Variants in SNTG1 observed in about 807,000 individuals in gnomAD.
SNTG1 encodes gamma-1-syntrophin.
Under a neutral mutation model 74.7 loss-of-function variants are expected in SNTG1, and 39 were observed. That is an observed-to-expected ratio of 0.52 (90% CI 0.40 to 0.68). The LOEUF (loss-of-function observed/expected upper bound fraction) is 0.68, where lower values mean the gene tolerates loss of function less well. Ranked by LOEUF, SNTG1 falls within the 30% of genes least tolerant of loss-of-function variation. SNTG1 has a pLI of 0.00. For synonymous variants in SNTG1, 254 were observed against 217.1 expected (o/e 1.17, Z -1.49); for missense variants, 685 against 609.5 (o/e 1.12, Z -1.30).
chr8:50,586,511 G>A (rs548061967), intron 12 of SNTG1, among the ~76,000 whole-genome samples: 2 of 152,020 alleles, frequency 1.3e-5, no homozygotes, highest in South Asian at 4.2e-4. Context: ...TGTAAAGGGG[G>A]CATCCTTATG....
intron 1 of SNTG1, among the ~76,000 whole-genome samples, chr8:50,140,131 C>T (rs2081607861): frequency 6.6e-6 from 1 of 152,160 alleles, no homozygotes; most frequent in African/African-American, 2.4e-5. Context: ...ATCAATCAAC[C>T]AATAAGCACT....
chr8:50,085,534 A>G (rs1822804747), intron 1 of SNTG1, among the ~76,000 whole-genome samples: 1 of 152,200 alleles, frequency 6.6e-6, no homozygotes, highest in Non-Finnish European at 1.5e-5. Context: ...TCCTCATAGT[A>G]TCATCAAGCC....
chr8:50,435,857 A>G (rs2093296255), intron 4 of SNTG1, among the ~76,000 whole-genome samples: 1 of 152,122 alleles, frequency 6.6e-6, no homozygotes, highest in Admixed American at 6.6e-5. Context: ...CTGCATCAGC[A>G]GTTTTGTATT....
intron 2 of SNTG1, among the ~76,000 whole-genome samples, chr8:50,248,672 C>T (rs4873439): frequency 0.26 from 39,892 of 151,792 alleles, 5,304 homozygotes; most frequent in Middle Eastern, 0.37. Context: ...GAGACCACCA[C>T]AAAAATAAGG....
In SNTG1 at chr8:50,792,656, C is replaced by A. The variant is rs1319422167; in HGVS notation, c.1396-15C>A. ...AATTTTTATGTTATCTGACCTGTTTCTCTTTCCCTTTCAGGAGTTGGAATT... is the reference window on the plus strand; with the variant it reads ...AATTTTTATGTTATCTGACCTGTTTATCTTTCCCTTTCAGGAGTTGGAATT... On this transcript the variant is annotated splice_polypyrimidine_tract_variant and intron_variant, in intron 18 of 18. Coordinates refer to ENST00000642720, the MANE Select transcript of SNTG1 (RefSeq NM_018967.5). The A allele has an allele frequency of 1.9e-6, 3 of 1,596,062 alleles. No individual in the cohort carries two copies. The highest frequency in any genetic ancestry group is 1.7e-6 in the Non-Finnish European group (2 of 1,171,322).
At chr8:50,569,730 A>AT (rs1422740913) in intron 12 of SNTG1, among the ~76,000 whole-genome samples, 1 of 152,108 alleles carries the variant, frequency 6.6e-6, no homozygotes, top group African/African-American at 2.4e-5. Flanking sequence ...TGAAGCTGAC[A>AT]TTTTCTTCCT....
intron 1 of SNTG1, among the ~76,000 whole-genome samples, chr8:50,063,896 C>T (rs1427138079): frequency 6.6e-6 from 1 of 152,162 alleles, no homozygotes; most frequent in Non-Finnish European, 1.5e-5. Flanking sequence ...ATATCTCAAG[C>T]TCTAATCTCC....
At chr8:50,738,437 T>C (rs897153516) in intron 17 of SNTG1, among the ~76,000 whole-genome samples, 1 of 152,158 alleles carries the variant, frequency 6.6e-6, no homozygotes, top group Non-Finnish European at 1.5e-5. Flanking sequence ...AAAACATCCA[T>C]GCTCATGAAT....
intron 15 of SNTG1, among the ~76,000 whole-genome samples, chr8:50,681,985 T>C (rs1378914449): frequency 6.6e-6 from 1 of 152,204 alleles, no homozygotes; most frequent in Non-Finnish European, 1.5e-5. Context: ...TGTTTTATCA[T>C]GACCCATATC....
At chr8:50,221,747 T>C (rs1374509610) in intron 2 of SNTG1, among the ~76,000 whole-genome samples, 2 of 152,166 alleles carry the variant, frequency 1.3e-5, no homozygotes, top group African/African-American at 2.4e-5. Flanking sequence ...GTACAATGTA[T>C]AGTGGGCATA....
Position 49,957,318 on chromosome 8 carries a change from G to A in SNTG1, c.-103+45087G>A, listed in dbSNP as rs145112152. On this transcript the variant is annotated intron_variant, in intron 1 of 18. Coordinates refer to ENST00000642720, the MANE Select transcript of SNTG1 (RefSeq NM_018967.5). Reference sequence around the variant, plus strand: ...ATTCCCCTGAGCTAATTTTAGCTATGACAGTCCTACATAGAGTATATTTCT... The same window carrying A: ...ATTCCCCTGAGCTAATTTTAGCTATAACAGTCCTACATAGAGTATATTTCT... Among the ~76,000 whole-genome samples, 164 of 152,338 alleles carry A rather than the reference G, an allele frequency of 1.1e-3. 2 individuals carry two copies. The highest frequency in any genetic ancestry group is 3.8e-3 in the African/African-American group (157 of 41,578).
intron 11 of SNTG1, among the ~76,000 whole-genome samples, chr8:50,540,525 G>A (rs998160311): frequency 4.8e-4 from 73 of 152,054 alleles, no homozygotes; most frequent in African/African-American, 1.2e-3. Context: ...TTCGTTAGAG[G>A]CTCTGATCCT....
At chr8:50,509,378 A>G (rs1027590180) in intron 9 of SNTG1, among the ~76,000 whole-genome samples, 1 of 152,328 alleles carries the variant, frequency 6.6e-6, no homozygotes, top group Middle Eastern at 3.4e-3. Flanking sequence ...CTTTTGGCTT[A>G]GGATTGACTT....
intron 17 of SNTG1, among the ~76,000 whole-genome samples, chr8:50,744,929 A>G (rs1170606124): frequency 6.6e-6 from 1 of 152,040 alleles, no homozygotes; most frequent in African/African-American, 2.4e-5. Context: ...TAACTGTAAG[A>G]GTTAAAATGA....
At chr8:50,096,861 A>G (rs1403476977) in intron 1 of SNTG1, among the ~76,000 whole-genome samples, 1 of 152,198 alleles carries the variant, frequency 6.6e-6, no homozygotes, top group Non-Finnish European at 1.5e-5. Context: ...TACATTCTGC[A>G]AGTATTTGGA....
chr8:50,142,874 C>T (rs62516672), intron 1 of SNTG1, among the ~76,000 whole-genome samples: 42,096 of 151,880 alleles, frequency 0.28, 5,953 homozygotes, highest in Middle Eastern at 0.4. Flanking sequence ...GAGTTTGAAA[C>T]CAGCCTGGCC....
intron 2 of SNTG1, among the ~76,000 whole-genome samples, chr8:50,369,695 A>G (rs1400150855): frequency 6.6e-6 from 1 of 151,910 alleles, no homozygotes; most frequent in Non-Finnish European, 1.5e-5. Context: ...CAAGCCAGGA[A>G]GAGAGACCAC....
intron 4 of SNTG1, among the ~76,000 whole-genome samples, chr8:50,425,857 G>A (rs540656959): frequency 2.0e-5 from 3 of 152,136 alleles, no homozygotes; most frequent in Non-Finnish European, 4.4e-5. Context: ...GCTGAAATAA[G>A]CTTGCAGTGA....
intron 2 of SNTG1, among the ~76,000 whole-genome samples, chr8:50,320,342 A>G (rs1411706634): frequency 4.6e-5 from 7 of 152,236 alleles, no homozygotes; most frequent in Admixed American, 1.3e-4. Context: ...AATTTCTGCC[A>G]TATCAATTGT....
Sources: allele counts gnomAD v4.1 joint callset (sites outside exome capture counted in the v4.1 genomes callset), GRCh38; gene constraint gnomAD v4.1.1; transcripts MANE v1.5; gene names NCBI Gene and HGNC (gene_info 2026-07-23, HGNC 2026-07-21).